Variants in PTPRD observed in about 807,000 individuals in gnomAD.
The protein encoded by PTPRD is protein tyrosine phosphatase receptor type D, also known as receptor-type tyrosine-protein phosphatase delta.
In PTPRD, 34 loss-of-function variants were observed where a neutral mutation model predicts 214.5. The observed-to-expected ratio is 0.16, with a 90% CI of 0.12 to 0.21. PTPRD has a LOEUF of 0.21. Ranked by LOEUF, PTPRD falls within the 10% of genes least tolerant of loss-of-function variation. The pLI, the probability that PTPRD is intolerant of heterozygous loss-of-function variation, is 1.00. For missense variants in PTPRD, 2,545 were observed against 2,398.7 expected (o/e 1.06, Z -1.27); for synonymous variants, 1,128 against 845.7 (o/e 1.33, Z -5.79).
At chr9:9,839,248 G>T (rs923027063) in intron 5 of PTPRD, among the ~76,000 whole-genome samples, 5 of 152,120 alleles carry the variant, frequency 3.3e-5, no homozygotes, top group African/African-American at 1.2e-4. Flanking sequence ...ATTAGGAAAA[G>T]AGGAAGTCAA....
chr9:9,969,050 G>A (rs1178259801), intron 4 of PTPRD, among the ~76,000 whole-genome samples: 2 of 152,078 alleles, frequency 1.3e-5, no homozygotes, highest in Non-Finnish European at 2.9e-5. Flanking sequence ...TTAAATACTT[G>A]TAAAATTAAA....
chr9:9,271,142 G>GA (rs1382724296), intron 9 of PTPRD, among the ~76,000 whole-genome samples: 3 of 150,948 alleles, frequency 2.0e-5, no homozygotes, highest in Non-Finnish European at 3.0e-5. Context: ...ATTAGAATTA[G>GA]AAAAAAGAAA....
At chr9:9,086,491 A>G (rs937227272) in intron 10 of PTPRD, among the ~76,000 whole-genome samples, 1 of 152,126 alleles carries the variant, frequency 6.6e-6, no homozygotes, top group Non-Finnish European at 1.5e-5. Context: ...TGTTTCCCAC[A>G]TTGGATTATT....
At chr9:10,430,744 T>C (rs2098669543) in intron 2 of PTPRD, among the ~76,000 whole-genome samples, 1 of 151,814 alleles carries the variant, frequency 6.6e-6, no homozygotes, top group African/African-American at 2.4e-5. Flanking sequence ...TGGCAAAAGG[T>C]CAAAAAAGAT....
chr9:8,847,802 C>T (rs932966099), intron 11 of PTPRD, among the ~76,000 whole-genome samples: 7 of 151,906 alleles, frequency 4.6e-5, no homozygotes, highest in South Asian at 2.1e-4. Context: ...ATGAAACTAA[C>T]GGGTGAAATG....
rs1050973638 is a variant in PTPRD at position 9,554,491 on chromosome 9, G to A, written c.-237+20241C>T. 4.0e-5 allele frequency among the ~76,000 whole-genome samples: 6 copies of A among 151,676 alleles called. No individual in the cohort carries two copies. In the East Asian group the frequency reaches 9.7e-4, roughly 24 times the overall value. On this transcript the variant is annotated intron_variant, in intron 8 of 45. Coordinates refer to ENST00000381196, the MANE Select transcript of PTPRD (RefSeq NM_002839.4). ...AAATGTTGACATGGTTCGGGGGAGTGGGGGTCCATGTCAAGCAAATACTGT... is the reference window on the plus strand; with the variant it reads ...AAATGTTGACATGGTTCGGGGGAGTAGGGGTCCATGTCAAGCAAATACTGT...
chr9:10,150,850 C>T (rs72696926), intron 3 of PTPRD, among the ~76,000 whole-genome samples: 16,128 of 151,806 alleles, frequency 0.11, 1,119 homozygotes, highest in South Asian at 0.21. Flanking sequence ...ACAGTCAGTC[C>T]ACAAATTTGG....
chr9:8,956,771 G>C (rs185830973), intron 11 of PTPRD, among the ~76,000 whole-genome samples: 4 of 151,798 alleles, frequency 2.6e-5, no homozygotes, highest in African/African-American at 7.3e-5. Context: ...ACCTGCAATA[G>C]GAGAGGATTT....
At chr9:10,367,559 A>C in intron 2 of PTPRD, among the ~76,000 whole-genome samples, 1 of 152,184 alleles carries the variant, frequency 6.6e-6, no homozygotes, top group East Asian at 1.9e-4. Flanking sequence ...ATAACAAGCC[A>C]AAAGCAAAAT....
At chr9:10,349,466 G>GT (rs1433249559) in intron 2 of PTPRD, among the ~76,000 whole-genome samples, 1 of 151,956 alleles carries the variant, frequency 6.6e-6, no homozygotes, top group Non-Finnish European at 1.5e-5. Flanking sequence ...AAATAAACAA[G>GT]TTACTAAATA....
intron 3 of PTPRD, among the ~76,000 whole-genome samples, chr9:10,184,387 G>C (rs568034477): frequency 3.1e-4 from 47 of 151,786 alleles, no homozygotes; most frequent in African/African-American, 1.1e-3. Context: ...ATGGCACCAC[G>C]GCACTCCAGC....
chr9:9,334,057 A>G (rs2043442744), intron 9 of PTPRD, among the ~76,000 whole-genome samples: 1 of 152,010 alleles, frequency 6.6e-6, no homozygotes, highest in Non-Finnish European at 1.5e-5. Context: ...AATTTTATCA[A>G]TGTTGAAAGA....
chr9:9,115,438 TA>T (rs2099811489), intron 10 of PTPRD, among the ~76,000 whole-genome samples: 1 of 152,112 alleles, frequency 6.6e-6, no homozygotes, highest in African/African-American at 2.4e-5. Context: ...GAGACCACCT[TA>T]CCCCAGCCAG....
At chr9:8,419,048 G>A (rs1054106087) in intron 35 of PTPRD, among the ~76,000 whole-genome samples, 4 of 151,638 alleles carry the variant, frequency 2.6e-5, no homozygotes, top group African/African-American at 9.7e-5. Context: ...GTGAGACATC[G>A]TTTCTAAAAA....
chr9:9,048,826 G>C (rs1160653395), intron 10 of PTPRD, among the ~76,000 whole-genome samples: 3 of 152,066 alleles, frequency 2.0e-5, no homozygotes, highest in African/African-American at 7.2e-5. Context: ...AGAATTGTTT[G>C]TAACACAAAG....
intron 3 of PTPRD, among the ~76,000 whole-genome samples, chr9:10,169,500 A>C (rs2099186784): frequency 1.3e-5 from 2 of 149,048 alleles, no homozygotes; most frequent in African/African-American, 5.0e-5. Context: ...AAAAGCAATG[A>C]GTAGGACCAC....
At position 10,012,349 on chromosome 9, in the gene PTPRD, G is replaced by A. The variant is rs146640872; in HGVS notation, c.-472+21369C>T. 2.0e-3 allele frequency among the ~76,000 whole-genome samples: 311 copies of A among 151,772 alleles called. 3 individuals carry two copies. Among genetic ancestry groups the A allele is most frequent in the African/African-American group, 7.1e-3 (295 of 41,486 alleles). Reference sequence around the variant, plus strand: ...AAGAAAAAAAATTAGCTAAAAAAGTGGAAAAGCAGATGGAAAAAAAAATCG... The same window carrying A: ...AAGAAAAAAAATTAGCTAAAAAAGTAGAAAAGCAGATGGAAAAAAAAATCG... On this transcript the variant is annotated intron_variant, in intron 4 of 45. Transcript: ENST00000381196.
At chr9:10,255,926 C>T (rs2093229529) in intron 3 of PTPRD, among the ~76,000 whole-genome samples, 1 of 152,164 alleles carries the variant, frequency 6.6e-6, no homozygotes, top group Admixed American at 6.5e-5. Context: ...AGTACCTGTC[C>T]TTGGCGTGTT....
chr9:9,898,874 T>G (rs1355544460), intron 5 of PTPRD, among the ~76,000 whole-genome samples: 1 of 152,118 alleles, frequency 6.6e-6, no homozygotes, highest in African/African-American at 2.4e-5. Flanking sequence ...TCTCTGTGCA[T>G]AGTGACTATG....
Sources: allele counts gnomAD v4.1 joint callset (sites outside exome capture counted in the v4.1 genomes callset), GRCh38; gene constraint gnomAD v4.1.1; transcripts MANE v1.5; gene names NCBI Gene and HGNC (gene_info 2026-07-23, HGNC 2026-07-21).